Variants in ROBO2 observed in about 807,000 individuals in gnomAD.
ROBO2 encodes the protein roundabout guidance receptor 2.
A neutral mutation model predicts 160.8 loss-of-function variants in ROBO2; 53 were observed. That is an observed-to-expected ratio of 0.33 (90% CI 0.26 to 0.41). The LOEUF (loss-of-function observed/expected upper bound fraction) is 0.41. Ranked by LOEUF, ROBO2 falls within the 10% of genes least tolerant of loss-of-function variation. ROBO2 has a pLI of 1.00. For missense variants in ROBO2, 1,577 were observed against 1,722.4 expected (o/e 0.92, Z 1.49); for synonymous variants, 664 against 611.7 (o/e 1.09, Z -1.26).
At chr3:77,095,184 GT>G in intron 1 of ROBO2, among the ~76,000 whole-genome samples, 1 of 152,008 alleles carries the variant, frequency 6.6e-6, no homozygotes, top group East Asian at 1.9e-4. Flanking sequence ...GTTCTTTGAT[GT>G]TTTTATTAAA....
intron 2 of ROBO2, among the ~76,000 whole-genome samples, chr3:77,099,149 G>A (rs1431188159): frequency 1.4e-5 from 2 of 140,718 alleles, no homozygotes; most frequent in East Asian, 4.4e-4. Context: ...TCTGCTCACT[G>A]CAACCTCTGC....
At chr3:77,191,826 C>G (rs1432401239) in intron 2 of ROBO2, among the ~76,000 whole-genome samples, 1 of 152,104 alleles carries the variant, frequency 6.6e-6, no homozygotes, top group Non-Finnish European at 1.5e-5. Context: ...ATTTGAAAAT[C>G]CTTACAATGA....
At chr3:77,219,345 A>G (rs767094022) in intron 2 of ROBO2, among the ~76,000 whole-genome samples, 16 of 150,466 alleles carry the variant, frequency 1.1e-4, no homozygotes, top group Non-Finnish European at 2.1e-4. Flanking sequence ...TTCTTTTGCA[A>G]TTTGGTTAAA....
At chr3:77,040,577 C>A in exon 1 of ROBO2, 1 of 1,427,864 alleles carries the variant, frequency 7.0e-7, no homozygotes, top group Non-Finnish European at 9.1e-7. Context: ...TTTGAAGTAC[C>A]CTCTGTTAAT....
chr3:76,840,262 T>C (rs1027741453), intron 2 of ROBO2, among the ~76,000 whole-genome samples: 1 of 152,084 alleles, frequency 6.6e-6, no homozygotes, highest in African/African-American at 2.4e-5. Flanking sequence ...TTCTTTAAGA[T>C]ACATCATTAG....
intron 2 of ROBO2, among the ~76,000 whole-genome samples, chr3:76,377,861 T>C (rs574611924): frequency 1.3e-5 from 2 of 152,218 alleles, no homozygotes; most frequent in African/African-American, 4.8e-5. Flanking sequence ...TGGTGACATG[T>C]TTTCAATTGA....
chr3:76,930,799 G>A (rs2077288755), intron 2 of ROBO2, among the ~76,000 whole-genome samples: 1 of 152,184 alleles, frequency 6.6e-6, no homozygotes, highest in African/African-American at 2.4e-5. Flanking sequence ...TTTTTGTTCT[G>A]TTCAGGCCCT....
chr3:77,645,615 A>G (rs1358939331), intron 25 of ROBO2, among the ~76,000 whole-genome samples: 2 of 152,168 alleles, frequency 1.3e-5, no homozygotes, highest in Non-Finnish European at 2.9e-5. Flanking sequence ...TAGCATTACC[A>G]TTATCTTCAC....
rs1196368586 is a variant in ROBO2 at position 77,550,833 on chromosome 3, A to G, written c.1075A>G (p.Asn359Asp). ...GCTTCCACAGAACCTACTTTTCCCA[A>G]ACCAACCCCAGCAGCCCAACAGTAG... Residue 359 changes from asparagine to aspartate, a missense_variant, in exon 8 of 26, where the codon AAC becomes GAC. Physicochemically the swap from Asn to Asp is conservative, Grantham distance 23. Transcript: ENST00000461745. The G allele has an allele frequency of 1.2e-6, 2 of 1,612,780 alleles. No homozygotes were observed. Among genetic ancestry groups the G allele is most frequent in the African/African-American group, 2.7e-5 (2 of 74,802 alleles).
chr3:76,437,963 A>G (rs2076758647), intron 2 of ROBO2, among the ~76,000 whole-genome samples: 1 of 152,156 alleles, frequency 6.6e-6, no homozygotes, highest in South Asian at 2.1e-4. Context: ...CTAAAATGTA[A>G]GCGTGCTCTT....
At chr3:77,556,816 T>A (rs1453983386) in intron 8 of ROBO2, among the ~76,000 whole-genome samples, 1 of 151,916 alleles carries the variant, frequency 6.6e-6, no homozygotes, top group Non-Finnish European at 1.5e-5. Context: ...TTTTATATAC[T>A]ACATGTATTT....
At chr3:76,088,006 TTAAAAG>T (rs1188347464) in intron 2 of ROBO2, among the ~76,000 whole-genome samples, 12 of 151,966 alleles carry the variant, frequency 7.9e-5, no homozygotes, top group African/African-American at 2.9e-4. Flanking sequence ...GACTCATAGA[TTAAAAG>T]TAAAAATTAG....
chr3:76,763,057 GCTAA>G (rs999899806), intron 2 of ROBO2, among the ~76,000 whole-genome samples: 1 of 151,768 alleles, frequency 6.6e-6, no homozygotes, highest in Non-Finnish European at 1.5e-5. Context: ...TTCCATAGCA[GCTAA>G]CTATCTTAGT....
At chr3:76,457,909 G>A (rs965664921) in intron 2 of ROBO2, among the ~76,000 whole-genome samples, 1 of 152,060 alleles carries the variant, frequency 6.6e-6, no homozygotes, top group African/African-American at 2.4e-5. Context: ...GGGACACAGG[G>A]TACCAAGTCT....
intron 2 of ROBO2, among the ~76,000 whole-genome samples, chr3:76,828,668 T>C (rs556865916): frequency 2.6e-5 from 4 of 152,272 alleles, no homozygotes; most frequent in Non-Finnish European, 5.9e-5. Flanking sequence ...AATATTCACC[T>C]TCATAGTAAA....
At chr3:76,033,121 A>T (rs2066984055) in intron 2 of ROBO2, among the ~76,000 whole-genome samples, 1 of 152,090 alleles carries the variant, frequency 6.6e-6, no homozygotes, top group African/African-American at 2.4e-5. Flanking sequence ...AAATGGGGAG[A>T]AATGTTATTG....
At chr3:76,853,237 C>A (rs139521777) in intron 2 of ROBO2, among the ~76,000 whole-genome samples, 18 of 151,896 alleles carry the variant, frequency 1.2e-4, no homozygotes, top group African/African-American at 3.9e-4. Flanking sequence ...GATAAAAATG[C>A]GCCATGATAC....
intron 2 of ROBO2, among the ~76,000 whole-genome samples, chr3:77,130,013 T>C (rs1014604887): frequency 2.0e-5 from 3 of 150,250 alleles, no homozygotes; most frequent in African/African-American, 7.3e-5. Flanking sequence ...AAAACAACAA[T>C]TTTTTTTTAT....
At chr3:77,256,431 A>G (rs547827202) in intron 2 of ROBO2, among the ~76,000 whole-genome samples, 1 of 152,328 alleles carries the variant, frequency 6.6e-6, no homozygotes, top group South Asian at 2.1e-4. Flanking sequence ...TGCACAATGA[A>G]GATAACATTA....
Sources: gnomAD v4.1 joint callset for allele counts (sites outside exome capture counted in the v4.1 genomes callset) on GRCh38, gnomAD v4.1.1 for gene constraint, MANE v1.5 for transcripts, NCBI Gene and HGNC (gene_info 2026-07-23, HGNC 2026-07-21) for gene names.